Variants in TAFA1 observed in about 807,000 individuals in gnomAD.
The protein encoded by TAFA1 is TAFA chemokine like family member 1.
In TAFA1, 4 loss-of-function variants were observed where a neutral mutation model predicts 18.5. The observed-to-expected ratio is 0.22, with a 90% CI of 0.11 to 0.49. The LOEUF (loss-of-function observed/expected upper bound fraction) is 0.49, where lower values mean the gene tolerates loss of function less well. TAFA1 is among the 20% of genes least tolerant of loss of function. TAFA1 has a pLI of 0.98. For synonymous variants in TAFA1, 56 were observed against 55.2 expected, an observed-to-expected ratio of 1.01 and a Z score of -0.06; for missense variants, 147 against 169.0, an observed-to-expected ratio of 0.87 and a Z score of 0.72.
intron 2 of TAFA1, among the ~76,000 whole-genome samples, chr3:68,073,671 T>C (rs2064785206): frequency 1.3e-5 from 2 of 152,190 alleles, no homozygotes; most frequent in Non-Finnish European, 2.9e-5. Flanking sequence ...ACACAATATT[T>C]TTTTTTCTCC....
chr3:68,303,533 C>T (rs2068344941), intron 2 of TAFA1, among the ~76,000 whole-genome samples: 1 of 152,018 alleles, frequency 6.6e-6, no homozygotes, highest in Non-Finnish European at 1.5e-5. Context: ...CTCTGCCTGC[C>T]AGGTTCACGC....
At chr3:68,023,853 A>G (rs1242897155) in intron 2 of TAFA1, among the ~76,000 whole-genome samples, 2 of 152,190 alleles carry the variant, frequency 1.3e-5, no homozygotes, top group Non-Finnish European at 2.9e-5. Flanking sequence ...GTAAAAATGA[A>G]GCAAACCTTT....
At chr3:68,284,123 G>A (rs1334443003) in intron 2 of TAFA1, among the ~76,000 whole-genome samples, 1 of 152,032 alleles carries the variant, frequency 6.6e-6, no homozygotes, top group African/African-American at 2.4e-5. Context: ...AATGAGATTG[G>A]AATCTTTCTC....
chr3:68,295,232 A>G (rs1385022444), intron 2 of TAFA1, among the ~76,000 whole-genome samples: 2 of 152,214 alleles, frequency 1.3e-5, no homozygotes, highest in Non-Finnish European at 2.9e-5. Context: ...ATTTTGAATC[A>G]GATTCCACGA....
chr3:68,162,815 C>T (rs1575653934), intron 2 of TAFA1, among the ~76,000 whole-genome samples: 1 of 152,230 alleles, frequency 6.6e-6, no homozygotes, highest in East Asian at 1.9e-4. Context: ...ATCTGAAAAA[C>T]CTAAAGTGCT....
intron 3 of TAFA1, among the ~76,000 whole-genome samples, chr3:68,452,532 A>AC (rs1559675820): frequency 1.3e-5 from 2 of 151,396 alleles, no homozygotes; most frequent in Non-Finnish European, 1.5e-5. Flanking sequence ...CAAAAAAAAA[A>AC]AAAAAAAAAC....
intron 2 of TAFA1, among the ~76,000 whole-genome samples, chr3:68,083,665 G>T (rs1340094932): frequency 1.3e-5 from 2 of 152,196 alleles, no homozygotes; most frequent in Non-Finnish European, 2.9e-5. Context: ...CATCACTGCA[G>T]ATCTGAGCAG....
chr3:68,448,331 G>A (rs1265128767), intron 3 of TAFA1, among the ~76,000 whole-genome samples: 2 of 152,312 alleles, frequency 1.3e-5, no homozygotes, highest in East Asian at 1.9e-4. Context: ...ATGTAAATTT[G>A]TGAGACAGTA....
chr3:68,218,989 T>C (rs1288196817), intron 2 of TAFA1, among the ~76,000 whole-genome samples: 2 of 149,124 alleles, frequency 1.3e-5, no homozygotes, highest in African/African-American at 2.5e-5. Flanking sequence ...ATAGTACTAC[T>C]CAATTCCTAA....
At chr3:68,286,308 T>C (rs1015207720) in intron 2 of TAFA1, among the ~76,000 whole-genome samples, 1 of 151,350 alleles carries the variant, frequency 6.6e-6, no homozygotes, top group African/African-American at 2.4e-5. Context: ...GAGGGGTGAG[T>C]TAATGAGTCT....
At chr3:68,092,013 C>T (rs898662956) in intron 2 of TAFA1, among the ~76,000 whole-genome samples, 1 of 152,110 alleles carries the variant, frequency 6.6e-6, no homozygotes, top group Non-Finnish European at 1.5e-5. Context: ...TAGACAACAT[C>T]CAGTTCAAAG....
chr3:68,485,195 T>C (rs1209126261), intron 3 of TAFA1, among the ~76,000 whole-genome samples: 2 of 152,210 alleles, frequency 1.3e-5, no homozygotes, highest in Non-Finnish European at 2.9e-5. Context: ...AAAATCTCTC[T>C]TGGTGGTCAA....
intron 2 of TAFA1, among the ~76,000 whole-genome samples, chr3:68,183,248 C>G (rs1031770328): frequency 2.0e-5 from 3 of 152,060 alleles, no homozygotes; most frequent in African/African-American, 7.2e-5. Context: ...AGAAGTGGAG[C>G]AAAGGTTAAT....
Position 68,539,225 on chromosome 3 carries a change from A to G in TAFA1, c.384+345A>G, listed in dbSNP as rs150213308. 5.8e-3 allele frequency among the ~76,000 whole-genome samples: 882 copies of G among 152,314 alleles called. 7 individuals are homozygous for G. Among genetic ancestry groups the G allele is most frequent in the African/African-American group, 0.02 (816 of 41,566 alleles). On this transcript the variant is annotated intron_variant, in intron 4 of 4. Transcript: ENST00000478136. ...AATGAACTTCCTCCCTAATTCATCC[A>G]GATGGTTTGCTGAAAGGGTCTGCGT...
At chr3:68,302,429 G>A (rs1464862022) in intron 2 of TAFA1, among the ~76,000 whole-genome samples, 1 of 152,034 alleles carries the variant, frequency 6.6e-6, no homozygotes, top group East Asian at 1.9e-4. Flanking sequence ...CATACAGAAC[G>A]TTTCCAACAG....
intron 2 of TAFA1, among the ~76,000 whole-genome samples, chr3:68,050,598 A>G (rs2064458649): frequency 6.6e-6 from 1 of 152,130 alleles, no homozygotes; most frequent in Admixed American, 6.6e-5. Flanking sequence ...TGCCTTTCCT[A>G]TTGTCCTCAG....
intron 3 of TAFA1, among the ~76,000 whole-genome samples, chr3:68,418,717 T>C (rs1441488115): frequency 6.6e-6 from 1 of 152,214 alleles, no homozygotes; most frequent in Non-Finnish European, 1.5e-5. Context: ...GATACCACTC[T>C]GGGTGCTCCA....
At chr3:68,453,930 C>T (rs1434655233) in intron 3 of TAFA1, among the ~76,000 whole-genome samples, 2 of 152,156 alleles carry the variant, frequency 1.3e-5, no homozygotes, top group South Asian at 2.1e-4. Flanking sequence ...GAACTTCACT[C>T]TCGGGTGAAT....
chr3:68,136,821 C>T (rs1343159950), intron 2 of TAFA1, among the ~76,000 whole-genome samples: 1 of 152,102 alleles, frequency 6.6e-6, no homozygotes, highest in Non-Finnish European at 1.5e-5. Context: ...CAGTGTACAT[C>T]TTGGAGAGAC....
Sources: allele counts gnomAD v4.1 joint callset (sites outside exome capture counted in the v4.1 genomes callset), GRCh38; gene constraint gnomAD v4.1.1; transcripts MANE v1.5; gene names NCBI Gene and HGNC (gene_info 2026-07-23, HGNC 2026-07-21).